The following PCDHGB2 variants were observed in gnomAD, a reference collection of about 807,000 sequenced individuals.
PCDHGB2 encodes protocadherin gamma-B2.
Under a neutral mutation model 59.3 loss-of-function variants are expected in PCDHGB2, and 55 were observed. That is an observed-to-expected ratio of 0.93 (90% CI 0.75 to 1.16). The LOEUF (loss-of-function observed/expected upper bound fraction) is 1.16. Among genes scored for constraint, PCDHGB2 ranks in the 50% most tolerant of loss-of-function variants. The pLI is 0.00. For missense variants in PCDHGB2, 1,228 were observed against 1,198.5 expected, an observed-to-expected ratio of 1.02 and a Z score of -0.36; for synonymous variants, 516 against 512.0, an observed-to-expected ratio of 1.01 and a Z score of -0.11.
chr5:141,420,974 T>C, intron 1 of PCDHGB2: 1 of 460,696 alleles, frequency 2.2e-6, no homozygotes, highest in Non-Finnish European at 3.8e-6. Flanking sequence ...ATAATAAGAA[T>C]GGGCTCTAGG....
intron 1 of PCDHGB2, chr5:141,411,714 G>C (rs889829564): frequency 6.6e-6 from 1 of 152,420 alleles, no homozygotes; most frequent in Middle Eastern, 3.1e-3. Context: ...AGACTCCATC[G>C]CTACAGAACA....
chr5:141,446,230 G>A (rs548647406), intron 1 of PCDHGB2, among the ~76,000 whole-genome samples: 22 of 152,208 alleles, frequency 1.4e-4, no homozygotes, highest in African/African-American at 4.6e-4. Context: ...GTGTTGCCTG[G>A]CAAGTGGTAG....
Position 141,486,178 on chromosome 5 carries a change from C to A in PCDHGB2, c.2422-8629C>A, listed in dbSNP as rs767840363. On this transcript the variant is annotated intron_variant, in intron 1 of 3. Transcript: ENST00000522605. This position sits in a 1 kb window ranked among gnomAD's most constrained non-coding sequence, Gnocchi z 5.0. ...CTCCAGCCATGGAGCAACATTGCAG[C>A]CTTCGAGTGGATCTGCTGGACGTAA... 1.2e-6 allele frequency: 2 copies of A among 1,614,194 alleles called. No homozygotes were observed. The highest frequency in any genetic ancestry group is 2.2e-5 in the East Asian group (1 of 44,882).
intron 1 of PCDHGB2, chr5:141,478,917 T>A: frequency 1.3e-6 from 1 of 772,666 alleles, no homozygotes; most frequent in Middle Eastern, 3.9e-4. Flanking sequence ...TGGATACCTC[T>A]AACCAGTGGC....
rs1236013576 is a variant in PCDHGB2 at position 141,375,392 on chromosome 5, A to G, written c.2421+12836A>G. On this transcript the variant is annotated intron_variant, in intron 1 of 3. Transcript: ENST00000522605. ...AACACCACCTCTGTCTACAGAAACA[A>G]TCATCTCTCTAAATGTGGCAGACAC... 33 of 1,613,850 alleles carry G rather than the reference A, an allele frequency of 2.0e-5. 1 individual carries two copies. Among genetic ancestry groups the G allele is most frequent in the African/African-American group, 4.0e-5 (3 of 74,932 alleles).
chr5:141,372,309 C>T lies in PCDHGB2; in HGVS notation c.2421+9753C>T, dbSNP rs950315336. On this transcript the variant is annotated intron_variant, in intron 1 of 3. Transcript: ENST00000522605. ...TACCTTGGGCGACAGGGAGGCCGCC[C>T]GCCAGCGCCTGCTGGTCACTGTGCG... 2 of 1,613,400 alleles carry T rather than the reference C, an allele frequency of 1.2e-6. No homozygotes were observed. The highest frequency in any genetic ancestry group is 2.2e-5 in the East Asian group (1 of 44,894).
At chr5:141,378,342 G>T (rs1774822998) in intron 1 of PCDHGB2, 1 of 152,204 alleles carries the variant, frequency 6.6e-6, no homozygotes, top group African/African-American at 2.4e-5. Context: ...GACCAACATG[G>T]TGAAACCCCG....
chr5:141,403,612 G>C (rs1314297922), intron 1 of PCDHGB2: 9 of 1,613,736 alleles, frequency 5.6e-6, no homozygotes, highest in African/African-American at 1.3e-5. Flanking sequence ...GCGGCGAGCC[G>C]CGTCGCTCCA....
chr5:141,374,116 C>T (rs1328761924), intron 1 of PCDHGB2: 2 of 1,580,576 alleles, frequency 1.3e-6, no homozygotes, highest in Non-Finnish European at 1.7e-6. Flanking sequence ...CGCAGCGCAG[C>T]GAGCAGGTCC....
In PCDHGB2 at chr5:141,393,848, A is replaced by G. The variant is rs1368797606; in HGVS notation, c.2421+31292A>G. Reference sequence around the variant, plus strand: ...TGGAAGATGTAAATGACAATAGACCAGAAGTGATCATTACGTCTTTGTTTA... The same window carrying G: ...TGGAAGATGTAAATGACAATAGACCGGAAGTGATCATTACGTCTTTGTTTA... On this transcript the variant is annotated intron_variant, in intron 1 of 3. Transcript: ENST00000522605. 2.5e-6 allele frequency: 4 copies of G among 1,614,008 alleles called. No individual in the cohort carries two copies. The South Asian group carries it at 4.4e-5, about 18-fold the overall frequency.
intron 1 of PCDHGB2, chr5:141,405,078 T>G: frequency 6.2e-7 from 1 of 1,613,888 alleles, no homozygotes; most frequent in Non-Finnish European, 8.5e-7. Flanking sequence ...ACCTTCGTTA[T>G]CACGCTGCTG....
Position 141,485,660 on chromosome 5 carries a change from G to A in PCDHGB2, c.2422-9147G>A. On this transcript the variant is annotated intron_variant, in intron 1 of 3. Transcript: ENST00000522605. The surrounding 1 kb of genome is among the most constrained non-coding windows in gnomAD (Gnocchi z 5.7). ...GGAAAAGGCTCAGGATGCAGATGTG[G>A]GGAGCAATTCGATTAGCAGCTATAG... is the stretch of plus-strand genomic sequence containing the variant. 1 of 1,612,716 alleles carries A rather than the reference G, an allele frequency of 6.2e-7. No individual in the cohort carries two copies. Among genetic ancestry groups the A allele is most frequent in the Non-Finnish European group, 8.5e-7 (1 of 1,178,898 alleles).
At chr5:141,389,755 T>C in intron 1 of PCDHGB2, 1 of 1,612,872 alleles carries the variant, frequency 6.2e-7, no homozygotes, top group African/African-American at 1.3e-5. Context: ...ACGGGCGAAG[T>C]GCGCACAGCG....
At position 141,432,950 on chromosome 5, in the gene PCDHGB2, G is replaced by T. The variant is rs750033444; in HGVS notation, c.2422-61857G>T. ...ACGCCTGCTGCAGGCTTCAGGAGGCGGCTTGACAGGAGCGCCGGCGTCGCA... is the reference window on the plus strand; with the variant it reads ...ACGCCTGCTGCAGGCTTCAGGAGGCTGCTTGACAGGAGCGCCGGCGTCGCA... On this transcript the variant is annotated intron_variant, in intron 1 of 3. Coordinates refer to ENST00000522605, the MANE Select transcript of PCDHGB2 (RefSeq NM_018923.3). This position sits in a 1 kb window ranked among gnomAD's most constrained non-coding sequence, Gnocchi z 6.0. 6 of 1,614,072 alleles carry T rather than the reference G, an allele frequency of 3.7e-6. No individual in the cohort carries two copies. Among genetic ancestry groups the T allele is most frequent in the Admixed American group, 1.7e-5 (1 of 60,010 alleles).
chr5:141,463,904 T>C (rs1289422146), intron 1 of PCDHGB2, among the ~76,000 whole-genome samples: 3 of 152,214 alleles, frequency 2.0e-5, no homozygotes, highest in African/African-American at 4.8e-5. Context: ...TTTGTACTAA[T>C]AATATATCCT....
chr5:141,462,646 A>G (rs1371582710), intron 1 of PCDHGB2, among the ~76,000 whole-genome samples: 1 of 137,316 alleles, frequency 7.3e-6, no homozygotes, highest in Non-Finnish European at 1.5e-5. Flanking sequence ...TTTCATTTCC[A>G]TCCTCAATTA....
chr5:141,423,382 C>G, intron 1 of PCDHGB2: 1 of 1,614,118 alleles, frequency 6.2e-7, no homozygotes, highest in Non-Finnish European at 8.5e-7. Flanking sequence ...CAGGCTGTGG[C>G]GCTGGCATAA....
At chr5:141,403,864 A>C in intron 1 of PCDHGB2, 1 of 1,613,794 alleles carries the variant, frequency 6.2e-7, no homozygotes, top group Non-Finnish European at 8.5e-7. Flanking sequence ...TATCAACAGC[A>C]AAAAGTCTAG....
At chr5:141,372,676 CA>C (rs1170718624) in intron 1 of PCDHGB2, 3 of 1,613,898 alleles carry the variant, frequency 1.9e-6, no homozygotes, top group Non-Finnish European at 1.7e-6. Context: ...TCACATTCCT[CA>C]AACACCGAGT....
Sources: gnomAD v4.1 joint callset for allele counts (sites outside exome capture counted in the v4.1 genomes callset) on GRCh38, gnomAD v4.1.1 for gene constraint, Gnocchi (gnomAD v3.1) non-coding constraint, MANE v1.5 for transcripts, NCBI Gene and HGNC (gene_info 2026-07-23, HGNC 2026-07-21) for gene names.